Variants in TDRD7 observed in about 807,000 individuals in gnomAD.
The protein encoded by TDRD7 is tudor domain-containing protein 7.
A neutral mutation model predicts 109.8 loss-of-function variants in TDRD7; 47 were observed. The ratio of observed to expected loss-of-function variants is 0.43; its 90% CI spans 0.34 to 0.55. The LOEUF (loss-of-function observed/expected upper bound fraction) is 0.55, where lower values mean the gene tolerates loss of function less well. TDRD7 is among the 20% of genes least tolerant of loss of function. TDRD7 has a pLI of 0.03. For missense variants in TDRD7, 1,164 were observed against 1,319.2 expected (o/e 0.88, Z 1.82); for synonymous variants, 424 against 457.3 (o/e 0.93, Z 0.93).
Position 97,428,613 on chromosome 9 carries a change from G to C in TDRD7, c.148G>C (p.Glu50Gln). 1 of 1,614,008 alleles carries C rather than the reference G, an allele frequency of 6.2e-7. No individual in the cohort carries two copies. The highest frequency in any genetic ancestry group is 8.5e-7 in the Non-Finnish European group (1 of 1,179,948). Residue 50 changes from glutamate (E) to glutamine (Q), a missense_variant, in exon 2 of 17, where the codon GAA becomes CAA. Coordinates refer to ENST00000355295, the MANE Select transcript of TDRD7 (RefSeq NM_014290.3). ...PFKQLGFPTLEAYLRSVPAVV... is the reference protein window; with the variant it reads ...PFKQLGFPTLQAYLRSVPAVV... ...CAAACAGCTAGGTTTCCCTACACTA[G>C]AAGCCTATCTGAGAAGTGTGCCAGC...
At chr9:97,444,410 T>A (rs1296247206) in intron 6 of TDRD7, among the ~76,000 whole-genome samples, 1 of 152,252 alleles carries the variant, frequency 6.6e-6, no homozygotes, top group Non-Finnish European at 1.5e-5. Context: ...AGCAGACTGT[T>A]GTTAAACAGT....
At position 97,476,691 on chromosome 9, in the gene TDRD7, C is replaced by T. The variant is rs542050206; in HGVS notation, c.2166+1222C>T. 4.0e-5 allele frequency among the ~76,000 whole-genome samples: 6 copies of T among 151,316 alleles called. 1 individual carries two copies. In the East Asian group the frequency reaches 5.8e-4, roughly 15 times the overall value. On this transcript the variant is annotated intron_variant, in intron 12 of 16. Coordinates refer to ENST00000355295, the MANE Select transcript of TDRD7 (RefSeq NM_014290.3). Reference sequence around the variant, plus strand: ...AAGGACCTCAACTTTCAGGGGGGTCCCTCAACCCTCCTGGAATTGTATGCA... The same window carrying T: ...AAGGACCTCAACTTTCAGGGGGGTCTCTCAACCCTCCTGGAATTGTATGCA...
At chr9:97,434,992 T>C (rs1828168949) in intron 4 of TDRD7, among the ~76,000 whole-genome samples, 1 of 152,146 alleles carries the variant, frequency 6.6e-6, no homozygotes, top group African/African-American at 2.4e-5. Context: ...AACAGATTAG[T>C]GGTTGCCAGA....
chr9:97,478,524 G>A lies in TDRD7; in HGVS notation c.2252G>A (p.Arg751Lys), dbSNP rs1383644440. Residue 751 changes from arginine to lysine, a missense_variant, in exon 13 of 17, where the codon AGG (arginine) becomes AAG (lysine). Transcript: ENST00000355295. ...ACATCTGTAAAAGTGTCAGAGCTCA[G>A]GGAAATTCCACCTCGGTTTCTACAA... Reference protein sequence around the residue: ...TVTSVKVSELREIPPRFLQEM... With the variant: ...TVTSVKVSELKEIPPRFLQEM... 4 of 1,613,916 alleles carry A rather than the reference G, an allele frequency of 2.5e-6. No individual in the cohort carries two copies. The highest frequency in any genetic ancestry group is 3.4e-6 in the Non-Finnish European group (4 of 1,179,980).
At chr9:97,467,096 A>T (rs1828832616) in intron 8 of TDRD7, among the ~76,000 whole-genome samples, 1 of 152,130 alleles carries the variant, frequency 6.6e-6, no homozygotes, top group Non-Finnish European at 1.5e-5. Context: ...CTGGGTCTCT[A>T]GTTGATAGGA....
At chr9:97,458,849 G>A (rs10817606) in intron 6 of TDRD7, among the ~76,000 whole-genome samples, 80,567 of 151,952 alleles carry the variant, frequency 0.53, 21,497 homozygotes, top group African/African-American at 0.59. Context: ...ACAAGATAGC[G>A]CCTTCTTTCT....
intron 1 of TDRD7, among the ~76,000 whole-genome samples, chr9:97,426,619 T>C (rs1264740490): frequency 6.6e-6 from 1 of 152,180 alleles, no homozygotes; most frequent in African/African-American, 2.4e-5. Context: ...CCTTGGCCTA[T>C]ACAAGGCCAG....
At chr9:97,482,784 A>G in intron 14 of TDRD7, 65 bp from the exon 15 acceptor site, 3 of 1,560,570 alleles carry the variant, frequency 1.9e-6, no homozygotes, top group Non-Finnish European at 2.6e-6. Flanking sequence ...TAAGGTTACT[A>G]TAACTGCCTC....
intron 15 of TDRD7, among the ~76,000 whole-genome samples, chr9:97,484,731 A>T (rs532059787): frequency 2.0e-5 from 3 of 152,346 alleles, no homozygotes; most frequent in Admixed American, 2.0e-4. Context: ...TATAACCACA[A>T]GCATAAATAG....
At chr9:97,485,230 C>A (rs929419233) in intron 15 of TDRD7, among the ~76,000 whole-genome samples, 6 of 152,110 alleles carry the variant, frequency 3.9e-5, no homozygotes, top group Admixed American at 6.5e-5. Context: ...ACTTGGAAAA[C>A]CTATTAAAAA....
chr9:97,433,822 C>G (rs898931346), intron 4 of TDRD7, among the ~76,000 whole-genome samples: 6 of 152,196 alleles, frequency 3.9e-5, no homozygotes, highest in African/African-American at 1.4e-4. Flanking sequence ...CCACTTCCCA[C>G]CCAGTAGTAT....
intron 7 of TDRD7, among the ~76,000 whole-genome samples, chr9:97,462,043 G>A (rs760163048): frequency 1.3e-5 from 2 of 152,196 alleles, no homozygotes; most frequent in Admixed American, 6.5e-5. Context: ...CTAAGATGTG[G>A]TGTGGCCTGA....
chr9:97,476,375 A>G (rs1039319118), intron 12 of TDRD7, among the ~76,000 whole-genome samples: 2 of 151,932 alleles, frequency 1.3e-5, no homozygotes, highest in African/African-American at 2.4e-5. Flanking sequence ...TTGCGTTTCT[A>G]TATGTTTTTA....
At chr9:97,468,176 T>C (rs1175517321) in intron 8 of TDRD7, among the ~76,000 whole-genome samples, 1 of 152,168 alleles carries the variant, frequency 6.6e-6, no homozygotes, top group Non-Finnish European at 1.5e-5. Flanking sequence ...AGGTGCTATG[T>C]GAAATCACAG....
chr9:97,453,885 C>T (rs577425904), intron 6 of TDRD7, among the ~76,000 whole-genome samples: 30 of 152,204 alleles, frequency 2.0e-4, no homozygotes, highest in South Asian at 8.3e-4. Context: ...TACAAGAGCG[C>T]GCAGATTCAT....
intron 1 of TDRD7, among the ~76,000 whole-genome samples, chr9:97,415,005 A>C (rs566114568): frequency 6.6e-6 from 1 of 152,308 alleles, no homozygotes; most frequent in South Asian, 2.1e-4. Context: ...CGCTGTTGCT[A>C]AAATAGTGTC....
intron 4 of TDRD7, among the ~76,000 whole-genome samples, chr9:97,433,139 G>T (rs1828133869): frequency 6.6e-6 from 1 of 152,118 alleles, no homozygotes; most frequent in South Asian, 2.1e-4. Flanking sequence ...TTAAATCAGT[G>T]TTCAAAAATT....
chr9:97,447,097 C>T (rs907906312), intron 6 of TDRD7, among the ~76,000 whole-genome samples: 10 of 152,100 alleles, frequency 6.6e-5, no homozygotes, highest in Admixed American at 2.0e-4. Context: ...AATTTAAATT[C>T]GGTGAACGTC....
intron 15 of TDRD7, among the ~76,000 whole-genome samples, chr9:97,484,492 A>ACC (rs1554750216): frequency 0.074 from 11,146 of 150,118 alleles, 557 homozygotes; most frequent in Non-Finnish European, 0.1. Flanking sequence ...ACACACACAC[A>ACC]CCCCAAAACT....
Sources: gnomAD v4.1 joint callset for allele counts (sites outside exome capture counted in the v4.1 genomes callset) on GRCh38, gnomAD v4.1.1 for gene constraint, MANE v1.5 for transcripts, NCBI Gene and HGNC (gene_info 2026-07-23, HGNC 2026-07-21) for gene names.